Variants in PCLO observed in about 807,000 individuals in gnomAD.
PCLO encodes the protein piccolo presynaptic cytomatrix protein, also known as protein piccolo.
PCLO carries 82 observed loss-of-function variants against 427.5 expected under a neutral mutation model. The ratio of observed to expected loss-of-function variants is 0.19; its 90% CI spans 0.16 to 0.23. The LOEUF (loss-of-function observed/expected upper bound fraction) is 0.23. Ranked by LOEUF, PCLO falls within the 10% of genes least tolerant of loss-of-function variation. The pLI, the probability that PCLO is intolerant of heterozygous loss-of-function variation, is 1.00. For missense variants in PCLO, 6,239 were observed against 6,115.9 expected, an observed-to-expected ratio of 1.02 and a Z score of -0.67; for synonymous variants, 2,357 against 2,155.4, an observed-to-expected ratio of 1.09 and a Z score of -2.59.
chr7:82,841,846 G>T (rs1792375510), intron 13 of PCLO, among the ~76,000 whole-genome samples: 1 of 152,030 alleles, frequency 6.6e-6, no homozygotes, highest in Non-Finnish European at 1.5e-5. Flanking sequence ...ATACAGTAAT[G>T]TTTAAAATAC....
At position 83,134,709 on chromosome 7, in the gene PCLO, G is replaced by A. The variant is rs749337805; in HGVS notation, c.2841C>T (p.Ser947=). The A allele has an allele frequency of 4.3e-6, 7 of 1,613,710 alleles. No individual in the cohort carries two copies. Among genetic ancestry groups the A allele is most frequent in the South Asian group, 2.2e-5 (2 of 91,058 alleles). The change falls in exon 3 of 25, where the codon TCC becomes TCT. Residue 947 remains serine (S), a synonymous_variant. Transcript: ENST00000333891. ...AATGAGGTCCAGGTTGGCCTGCAGT[G>A]GAAATTAAATTTGATGCCTGGCTGA... ...SIFSQASNLI[S]TAGQPGPHSQ...
In PCLO at chr7:82,956,679, C is replaced by T. The variant is rs1472963441; in HGVS notation, c.4274G>A (p.Ser1425Asn). The change falls in exon 5 of 25, where the codon AGT becomes AAT. Residue 1425 changes from serine to asparagine, a missense_variant. Transcript: ENST00000333891. ...TVLSILEAQASTLADEKSEKK... is the reference protein window; with the variant it reads ...TVLSILEAQANTLADEKSEKK... ...TTCTGACTTTTCATCAGCAAGTGTA[C>T]TTGCTTGAGCTTCCAAAATAGATAG... 1 of 1,613,806 alleles carries T rather than the reference C, an allele frequency of 6.2e-7. No individual in the cohort carries two copies. Among genetic ancestry groups the T allele is most frequent in the Non-Finnish European group, 8.5e-7 (1 of 1,179,808 alleles).
rs1795527753 is a variant in PCLO at position 82,956,573 on chromosome 7, T to C, written c.4380A>G (p.Glu1460=). 1.9e-6 allele frequency: 3 copies of C among 1,612,800 alleles called. No homozygotes were observed. In the East Asian group the frequency reaches 6.7e-5, roughly 36 times the overall value. The part of the protein sequence containing the change: ...EKTQSLSETL[E]ITISEEEIKE... The stretch of plus-strand genomic sequence containing the variant: ...TGATCTCCTCTTCTGAAATAGTAAT[T>C]TCCAAGGTTTCAGATAAACTCTGAG... The change falls in exon 5 of 25, where the codon GAA becomes GAG. Residue 1460 remains glutamate, a synonymous_variant. Transcript: ENST00000333891.
At chr7:82,766,534 A>C (rs1266430007) in intron 22 of PCLO, among the ~76,000 whole-genome samples, 1 of 152,074 alleles carries the variant, frequency 6.6e-6, no homozygotes, top group Non-Finnish European at 1.5e-5. Context: ...AGAGGTTTCT[A>C]ACATGGAAGG....
chr7:83,088,177 A>G (rs2116426483), intron 3 of PCLO, among the ~76,000 whole-genome samples: 1 of 152,300 alleles, frequency 6.6e-6, no homozygotes, highest in Non-Finnish European at 1.5e-5. Flanking sequence ...TGAAATGCCA[A>G]CTTGTATTTT....
At chr7:83,093,472 G>GTGTGTGTGTGTGTATATATA (rs745824155) in intron 3 of PCLO, among the ~76,000 whole-genome samples, 6 of 99,166 alleles carry the variant, frequency 6.1e-5, no homozygotes, top group East Asian at 3.9e-4. Flanking sequence ...ATGTGTGTGT[G>GTGTGTGTGTGTGTATATATA]TATAGATATA....
chr7:82,770,170 G>T (rs1184258885), intron 22 of PCLO, among the ~76,000 whole-genome samples: 1 of 151,944 alleles, frequency 6.6e-6, no homozygotes, highest in Non-Finnish European at 1.5e-5. Context: ...AATTACAAAG[G>T]TAAATTGTTA....
chr7:83,112,643 T>C (rs1171587871), intron 3 of PCLO, among the ~76,000 whole-genome samples: 1 of 152,212 alleles, frequency 6.6e-6, no homozygotes, highest in Non-Finnish European at 1.5e-5. Flanking sequence ...ATACTCATTT[T>C]AAGCCAATTT....
intron 21 of PCLO, among the ~76,000 whole-genome samples, chr7:82,804,413 C>T (rs1311490412): frequency 2.6e-5 from 4 of 152,124 alleles, no homozygotes; most frequent in Non-Finnish European, 5.9e-5. Flanking sequence ...TTCACTAATG[C>T]TTTGCTTTTA....
At chr7:82,876,580 A>G (rs892693193) in intron 10 of PCLO, among the ~76,000 whole-genome samples, 1 of 152,062 alleles carries the variant, frequency 6.6e-6, no homozygotes, top group Admixed American at 6.6e-5. Context: ...CTAGCTAGTT[A>G]ATCTTTGGAT....
chr7:82,842,920 T>A (rs2115790200), intron 13 of PCLO, among the ~76,000 whole-genome samples: 1 of 152,074 alleles, frequency 6.6e-6, no homozygotes, highest in East Asian at 1.9e-4. Context: ...ATGGTGAGAA[T>A]GTGGAGAAAG....
intron 3 of PCLO, among the ~76,000 whole-genome samples, chr7:83,067,617 T>C (rs929310079): frequency 1.5e-4 from 23 of 152,320 alleles, no homozygotes; most frequent in African/African-American, 5.3e-4. Context: ...CATACTGTCA[T>C]GCCAACTGGC....
chr7:82,919,404 G>A (rs749619293), intron 6 of PCLO, among the ~76,000 whole-genome samples: 23 of 152,016 alleles, frequency 1.5e-4, no homozygotes, highest in Admixed American at 2.6e-4. Context: ...TGTCAAGGCT[G>A]GCTCCAGAAT....
intron 10 of PCLO, among the ~76,000 whole-genome samples, chr7:82,877,709 A>G (rs1271291204): frequency 1.3e-5 from 2 of 152,128 alleles, no homozygotes; most frequent in African/African-American, 4.8e-5. Context: ...CTTGTTGTCC[A>G]GGCTGGAGTA....
chr7:82,960,844 T>C (rs1795641230), intron 4 of PCLO, among the ~76,000 whole-genome samples: 1 of 152,016 alleles, frequency 6.6e-6, no homozygotes, highest in Admixed American at 6.6e-5. Flanking sequence ...ATACCAAGTG[T>C]TTGGTATAGC....
chr7:83,000,459 C>T (rs909809324), intron 3 of PCLO, among the ~76,000 whole-genome samples: 1 of 151,930 alleles, frequency 6.6e-6, no homozygotes, highest in African/African-American at 2.4e-5. Context: ...ACCAGATGTC[C>T]CCTAACTTTT....
rs748158950 is a variant in PCLO at position 82,950,258 on chromosome 7, C to T, written c.10330G>A (p.Gly3444Ser). The T allele has an allele frequency of 5.0e-6, 8 of 1,613,154 alleles. No homozygotes were observed. The East Asian group carries it at 1.8e-4, about 36-fold the overall frequency. The change falls in exon 6 of 25, where the codon GGT becomes AGT. Residue 3444 changes from glycine to serine, a missense_variant. Physicochemically the swap from Gly to Ser is moderately conservative, Grantham distance 56. This residue lies in a region of PCLO where 4,677 missense variants were observed against 4,468.4 expected (regional missense o/e 1.05). Transcript: ENST00000333891. ...PRSFKKIVDS[G>S]VQTDDEDATD... The stretch of plus-strand genomic sequence containing the variant: ...GCATCTTCGTCATCCGTTTGTACAC[C>T]ACTGTCCACTATCTTTTTAAAACTT...
At chr7:82,970,307 A>C (rs1348621227) in intron 3 of PCLO, among the ~76,000 whole-genome samples, 1 of 152,038 alleles carries the variant, frequency 6.6e-6, no homozygotes, top group Non-Finnish European at 1.5e-5. Flanking sequence ...TGTAGAAGAA[A>C]CTGTAATCCA....
At chr7:82,805,197 G>A (rs943833807) in intron 21 of PCLO, among the ~76,000 whole-genome samples, 10 of 151,922 alleles carry the variant, frequency 6.6e-5, no homozygotes, top group South Asian at 2.1e-4. Context: ...GAAACACTTC[G>A]AAACCTTCAA....
Sources: gnomAD v4.1 joint callset for allele counts (sites outside exome capture counted in the v4.1 genomes callset) on GRCh38, gnomAD v4.1.1 for gene constraint, gnomAD v4.1.1 regional missense constraint, MANE v1.5 for transcripts, NCBI Gene and HGNC (gene_info 2026-07-23, HGNC 2026-07-21) for gene names.